The following PCDHAC1 variants were observed in gnomAD, a reference collection of about 807,000 sequenced individuals.
PCDHAC1 encodes protocadherin alpha subfamily C, 1, also known as protocadherin alpha-C1.
Under a neutral mutation model 60.0 loss-of-function variants are expected in PCDHAC1, and 42 were observed. The observed-to-expected ratio is 0.70, with a 90% CI of 0.55 to 0.90. The LOEUF is 0.90. Among genes scored for constraint, PCDHAC1 ranks in the 40% least tolerant of loss-of-function variants. The pLI, the probability that PCDHAC1 is intolerant of heterozygous loss-of-function variation, is 0.00. For missense variants in PCDHAC1, 1,160 were observed against 1,222.3 expected, an observed-to-expected ratio of 0.95 and a Z score of 0.76; for synonymous variants, 468 against 499.3, an observed-to-expected ratio of 0.94 and a Z score of 0.84.
intron 1 of PCDHAC1, among the ~76,000 whole-genome samples, chr5:140,954,268 A>C (rs1381458746): frequency 2.0e-5 from 3 of 152,224 alleles, no homozygotes; most frequent in African/African-American, 7.2e-5. Flanking sequence ...TCTTTATAAT[A>C]GGATGATTTA....
At position 140,946,611 on chromosome 5, in the gene PCDHAC1, A is replaced by AATATATATATATATATAT. The variant is rs1554217734; in HGVS notation, c.2433+17290_2433+17307dup. Among the ~76,000 whole-genome samples, 487 of 86,718 alleles carry AATATATATATATATATAT rather than the reference A, an allele frequency of 5.6e-3. 17 individuals are homozygous for AATATATATATATATATAT. The highest frequency in any genetic ancestry group is 0.01 in the African/African-American group (158 of 15,660). 56.9% of individuals were successfully genotyped at this position (86,718 alleles called of 152,430 possible). The stretch of plus-strand genomic sequence containing the variant: ...GGATGAATAGATAAAGAAAATGTGA[A>AATATATATATATATATAT]ATATATATATATATATATATACAAT... On this transcript the variant is annotated intron_variant, in intron 1 of 3. Coordinates refer to ENST00000253807, the MANE Select transcript of PCDHAC1 (RefSeq NM_018898.5).
chr5:141,004,094 G>A (rs962663466), intron 3 of PCDHAC1, among the ~76,000 whole-genome samples: 1 of 152,194 alleles, frequency 6.6e-6, no homozygotes, highest in Non-Finnish European at 1.5e-5. Context: ...TGCTTCTTCC[G>A]TTTTCATCTT....
intron 1 of PCDHAC1, chr5:140,967,890 C>G: frequency 6.2e-7 from 1 of 1,614,176 alleles, no homozygotes; most frequent in Non-Finnish European, 8.5e-7. Context: ...AGCCCAGTGC[C>G]TGAGAATGCT....
Position 140,926,554 on chromosome 5 carries a change from G to A in PCDHAC1, c.-339G>A, listed in dbSNP as rs2083344574. On this transcript the variant is annotated 5_prime_UTR_variant, in exon 1 of 4. Coordinates refer to ENST00000253807, the MANE Select transcript of PCDHAC1 (RefSeq NM_018898.5). ...AGCCAGCGTGGTGGTCGAGACCCCA[G>A]CCCGCTGCTACTGGAGACAGCACCT... 4.2e-6 allele frequency: 1 copy of A among 237,224 alleles called. No individual in the cohort carries two copies. The highest frequency in any genetic ancestry group is 8.0e-6 in the Non-Finnish European group (1 of 124,838). The allele number at this position is 237,224 out of a possible 1,614,324, so 14.7% of individuals were successfully genotyped here.
intron 1 of PCDHAC1, among the ~76,000 whole-genome samples, chr5:140,978,505 C>T (rs2096806553): frequency 6.6e-6 from 1 of 152,354 alleles, no homozygotes; most frequent in South Asian, 2.1e-4. Context: ...AGATTGCAGT[C>T]CTCTGCAGTC....
At chr5:140,937,718 C>T (rs538350541) in intron 1 of PCDHAC1, among the ~76,000 whole-genome samples, 1 of 152,076 alleles carries the variant, frequency 6.6e-6, no homozygotes, top group South Asian at 2.1e-4. Context: ...CAAGACCATC[C>T]TGGCTAACAC....
chr5:140,943,522 G>T (rs2093513187), intron 1 of PCDHAC1, among the ~76,000 whole-genome samples: 1 of 152,144 alleles, frequency 6.6e-6, no homozygotes, highest in Non-Finnish European at 1.5e-5. Flanking sequence ...GTTGAGTTCA[G>T]TATGCAAAAT....
At chr5:140,947,610 C>T (rs989640335) in intron 1 of PCDHAC1, among the ~76,000 whole-genome samples, 3 of 151,562 alleles carry the variant, frequency 2.0e-5, no homozygotes, top group South Asian at 2.1e-4. Flanking sequence ...GATTTGGTAT[C>T]TTAACAATAT....
intron 1 of PCDHAC1, among the ~76,000 whole-genome samples, chr5:140,938,521 T>C (rs2092100005): frequency 6.6e-6 from 1 of 150,974 alleles, no homozygotes; most frequent in African/African-American, 2.4e-5. Context: ...TTTTCTGTTA[T>C]TGAATGGATA....
intron 1 of PCDHAC1, among the ~76,000 whole-genome samples, chr5:140,962,457 G>T (rs1563323233): frequency 6.6e-6 from 1 of 151,950 alleles, no homozygotes; most frequent in Non-Finnish European, 1.5e-5. Flanking sequence ...AATCTCTTAT[G>T]GCTTGAATCT....
intron 1 of PCDHAC1, among the ~76,000 whole-genome samples, chr5:140,974,407 A>T (rs1441174003): frequency 6.6e-6 from 1 of 152,244 alleles, no homozygotes; most frequent in African/African-American, 2.4e-5. Flanking sequence ...TTCTAAAGTT[A>T]TGTTTATTTT....
At position 140,971,106 on chromosome 5, in the gene PCDHAC1, G is replaced by T. The variant is rs529915701; in HGVS notation, c.2434-7843G>T. Among the ~76,000 whole-genome samples, 46 of 152,304 alleles carry T rather than the reference G, an allele frequency of 3.0e-4. No homozygotes were observed. In the South Asian group the frequency reaches 4.1e-3, roughly 14 times the overall value. ...AACAAATTCTTGTGAAGCCCTTTGG[G>T]ATTGGGGTGGGCTACAGGTGGTGAA... is the stretch of plus-strand genomic sequence containing the variant. On this transcript the variant is annotated intron_variant, in intron 1 of 3. Transcript: ENST00000253807.
At chr5:140,978,887 A>C (rs1367734690) in intron 1 of PCDHAC1, 62 bp from the exon 2 acceptor site, 14 of 1,611,648 alleles carry the variant, frequency 8.7e-6, no homozygotes, top group Admixed American at 1.7e-5. Flanking sequence ...ATCAATTAGC[A>C]GCATTCCTGG....
At chr5:140,967,894 G>A (rs1586251835) in intron 1 of PCDHAC1, 5 of 1,614,192 alleles carry the variant, frequency 3.1e-6, no homozygotes, top group Non-Finnish European at 3.4e-6. Context: ...CAGTGCCTGA[G>A]AATGCTACAC....
chr5:140,966,486 C>G (rs1563351032), intron 1 of PCDHAC1: 1 of 432,846 alleles, frequency 2.3e-6, no homozygotes. Context: ...CTTTTCCCTC[C>G]CCCTGGAGCT....
At chr5:140,932,413 A>G (rs2088287956) in intron 1 of PCDHAC1, among the ~76,000 whole-genome samples, 1 of 151,930 alleles carries the variant, frequency 6.6e-6, no homozygotes, top group Admixed American at 6.6e-5. Flanking sequence ...ATGTTATATT[A>G]GTGTATTGTT....
At chr5:140,968,867 T>C (rs2153774451) in intron 1 of PCDHAC1, 2 of 1,614,188 alleles carry the variant, frequency 1.2e-6, no homozygotes, top group Non-Finnish European at 1.7e-6. Flanking sequence ...CCCTCGGACA[T>C]ACTCTGAAAT....
At chr5:140,932,810 A>G (rs925757508) in intron 1 of PCDHAC1, among the ~76,000 whole-genome samples, 1 of 151,958 alleles carries the variant, frequency 6.6e-6, no homozygotes, top group Non-Finnish European at 1.5e-5. Flanking sequence ...CCTTGGAAAC[A>G]TATAAGTGGG....
chr5:140,983,009 G>C (rs1272086703), intron 3 of PCDHAC1, among the ~76,000 whole-genome samples: 2 of 151,884 alleles, frequency 1.3e-5, no homozygotes, highest in Non-Finnish European at 2.9e-5. Flanking sequence ...AAAGAAAAAG[G>C]AAGGAAGGAA....
Sources: gnomAD v4.1 joint callset for allele counts (sites outside exome capture counted in the v4.1 genomes callset) on GRCh38, gnomAD v4.1.1 for gene constraint, MANE v1.5 for transcripts, NCBI Gene and HGNC (gene_info 2026-07-23, HGNC 2026-07-21) for gene names.